Variants in PRMT3 observed in about 807,000 individuals in gnomAD.
PRMT3 encodes the protein protein arginine N-methyltransferase 3.
In PRMT3, 62 loss-of-function variants were observed where a neutral mutation model predicts 71.9. That is an observed-to-expected ratio of 0.86 (90% CI 0.70 to 1.07). The LOEUF (loss-of-function observed/expected upper bound fraction) is 1.07, where lower values mean the gene tolerates loss of function less well. PRMT3 is among the 50% of genes least tolerant of loss of function. The probability of loss-of-function intolerance (pLI) is 0.00; values close to 1 mark genes in which losing one functional copy is unlikely to be tolerated. For synonymous variants in PRMT3, 213 were observed against 220.4 expected (o/e 0.97, Z 0.30); for missense variants, 663 against 643.0 (o/e 1.03, Z -0.34).
intron 4 of PRMT3, 80 bp from the exon 5 acceptor site, chr11:20,392,817 G>T: frequency 4.4e-6 from 4 of 908,380 alleles, no homozygotes; most frequent in Admixed American, 4.4e-5. Context: ...TTTCCTTTTT[G>T]TTTAATTTCT....
At chr11:20,400,768 T>C (rs1005296845) in intron 7 of PRMT3, among the ~76,000 whole-genome samples, 1 of 152,148 alleles carries the variant, frequency 6.6e-6, no homozygotes, top group Non-Finnish European at 1.5e-5. Flanking sequence ...ACTTTACTAG[T>C]CTTAAAATAT....
At chr11:20,422,993 A>G (rs1160118971) in intron 9 of PRMT3, among the ~76,000 whole-genome samples, 1 of 152,132 alleles carries the variant, frequency 6.6e-6, no homozygotes, top group Non-Finnish European at 1.5e-5. Flanking sequence ...TTATGTAGGG[A>G]AGGAAGGACC....
rs528084403 is a variant in PRMT3 at position 20,508,803 on chromosome 11, C to G, written c.*390C>G. On this transcript the variant is annotated 3_prime_UTR_variant, in exon 16 of 16. Coordinates refer to ENST00000331079, the MANE Select transcript of PRMT3 (RefSeq NM_005788.4). ...TTAGTTATTTGGATATTTTATTAAA[C>G]TAGTAACACAGGTACTACACATTTT... 1 of 295,712 alleles carries G rather than the reference C, an allele frequency of 3.4e-6. No homozygotes were observed. Among genetic ancestry groups the G allele is most frequent in the East Asian group, 7.7e-5 (1 of 12,956 alleles). The allele number at this position is 295,712 out of a possible 1,614,324, so 18.3% of individuals were successfully genotyped here. A position where few individuals can be genotyped will look rare whatever the true frequency, so the allele number is the denominator to read the frequency against.
chr11:20,486,445 A>G lies in PRMT3; in HGVS notation c.1348-7474A>G, dbSNP rs185589100. Among the ~76,000 whole-genome samples, 254 of 152,276 alleles carry G rather than the reference A, an allele frequency of 1.7e-3. 1 individual carries two copies. Among genetic ancestry groups the G allele is most frequent in the African/African-American group, 5.8e-3 (243 of 41,560 alleles). ...CTGGAATTACCTTTAAAGAAGAGCT[A>G]AGTAGACTAGTAGATAATTTCTATA... On this transcript the variant is annotated intron_variant, in intron 13 of 15. Transcript: ENST00000331079.
In PRMT3 at chr11:20,508,527, G is replaced by A; in HGVS notation, c.*114G>A. Reference sequence around the variant, plus strand: ...GATGGATGATGGACCCTTTCCTAATGAGCCTCCTCAATAAGAGAGAAGTTC... The same window carrying A: ...GATGGATGATGGACCCTTTCCTAATAAGCCTCCTCAATAAGAGAGAAGTTC... On this transcript the variant is annotated 3_prime_UTR_variant, in exon 16 of 16. Coordinates refer to ENST00000331079, the MANE Select transcript of PRMT3 (RefSeq NM_005788.4). 2.6e-6 allele frequency: 2 copies of A among 757,472 alleles called. No individual in the cohort carries two copies. Among genetic ancestry groups the A allele is most frequent in the South Asian group, 2.9e-5 (2 of 69,414 alleles). The allele number at this position is 757,472 out of a possible 1,614,324, so 46.9% of individuals were successfully genotyped here.
chr11:20,465,918 G>T (rs1850500881), intron 13 of PRMT3, among the ~76,000 whole-genome samples: 1 of 151,978 alleles, frequency 6.6e-6, no homozygotes, highest in Admixed American at 6.6e-5. Flanking sequence ...GTTGAAAAAA[G>T]ACCATCTTGA....
chr11:20,390,510 T>A (rs1353488035), intron 3 of PRMT3, among the ~76,000 whole-genome samples: 4 of 152,248 alleles, frequency 2.6e-5, no homozygotes, highest in African/African-American at 9.6e-5. Context: ...CTTCACAGCC[T>A]ACGAGACTGA....
chr11:20,471,370 T>G (rs1046564652), intron 13 of PRMT3, among the ~76,000 whole-genome samples: 5 of 152,230 alleles, frequency 3.3e-5, no homozygotes, highest in Non-Finnish European at 5.9e-5. Flanking sequence ...AAGTCTTTAA[T>G]CCATTTTGAG....
intron 13 of PRMT3, among the ~76,000 whole-genome samples, chr11:20,484,832 A>G (rs1196213380): frequency 6.6e-6 from 1 of 152,216 alleles, no homozygotes; most frequent in Non-Finnish European, 1.5e-5. Flanking sequence ...AACAGCTACA[A>G]ATGCCAAAAA....
chr11:20,404,419 A>C (rs1353801230), intron 8 of PRMT3, among the ~76,000 whole-genome samples: 1 of 151,686 alleles, frequency 6.6e-6, no homozygotes, highest in Non-Finnish European at 1.5e-5. Context: ...TTTTTAATAG[A>C]GACGGGGTTT....
At chr11:20,411,454 G>A (rs1849190560) in intron 9 of PRMT3, among the ~76,000 whole-genome samples, 1 of 152,048 alleles carries the variant, frequency 6.6e-6, no homozygotes, top group Non-Finnish European at 1.5e-5. Flanking sequence ...CTTGTAAAGT[G>A]TCATTTTTGT....
intron 15 of PRMT3, among the ~76,000 whole-genome samples, chr11:20,494,787 G>T (rs1429808277): frequency 6.6e-6 from 1 of 151,994 alleles, no homozygotes; most frequent in Non-Finnish European, 1.5e-5. Context: ...AGACTACCTG[G>T]CTCTTAAAGT....
chr11:20,477,044 T>G (rs921840202), intron 13 of PRMT3, among the ~76,000 whole-genome samples: 6 of 152,156 alleles, frequency 3.9e-5, no homozygotes, highest in Admixed American at 1.3e-4. Flanking sequence ...AAGCACAAGA[T>G]CAAGCCCTTC....
intron 10 of PRMT3, among the ~76,000 whole-genome samples, chr11:20,448,452 A>G (rs1850078810): frequency 6.6e-6 from 1 of 152,146 alleles, no homozygotes; most frequent in Admixed American, 6.6e-5. Flanking sequence ...TTATGATTAT[A>G]TTATATAGGC....
At chr11:20,459,619 A>G (rs570864860) in intron 11 of PRMT3, among the ~76,000 whole-genome samples, 16 of 152,336 alleles carry the variant, frequency 1.1e-4, no homozygotes, top group East Asian at 3.9e-4. Context: ...TCACCTGACT[A>G]TACCCTTATT....
At chr11:20,412,783 T>C (rs114827056) in intron 9 of PRMT3, among the ~76,000 whole-genome samples, 202 of 152,278 alleles carry the variant, frequency 1.3e-3, no homozygotes, top group African/African-American at 4.8e-3. Context: ...TGTAACTGAA[T>C]CTCCTTTGAT....
At chr11:20,448,534 C>A (rs1850081028) in intron 10 of PRMT3, among the ~76,000 whole-genome samples, 1 of 152,028 alleles carries the variant, frequency 6.6e-6, no homozygotes, top group African/African-American at 2.4e-5. Context: ...TTCAGATTAA[C>A]TCTTCCATTA....
At chr11:20,438,714 G>C (rs1849817793) in intron 10 of PRMT3, among the ~76,000 whole-genome samples, 1 of 152,136 alleles carries the variant, frequency 6.6e-6, no homozygotes, top group South Asian at 2.1e-4. Context: ...GGCAGCCCAG[G>C]TTCCATTTCT....
At chr11:20,388,385 G>T (rs982410948) in intron 2 of PRMT3, among the ~76,000 whole-genome samples, 1 of 152,228 alleles carries the variant, frequency 6.6e-6, no homozygotes, top group Non-Finnish European at 1.5e-5. Context: ...GTAGTGCATT[G>T]AATCTGTGGT....
Sources: allele counts gnomAD v4.1 joint callset (sites outside exome capture counted in the v4.1 genomes callset), GRCh38; gene constraint gnomAD v4.1.1; transcripts MANE v1.5; gene names NCBI Gene and HGNC (gene_info 2026-07-23, HGNC 2026-07-21).